The following CSMD1 variants were observed in gnomAD, a reference collection of about 807,000 sequenced individuals.
CSMD1 encodes CUB and Sushi multiple domains 1.
CSMD1 carries 213 observed loss-of-function variants against 417.5 expected under a neutral mutation model. The ratio of observed to expected loss-of-function variants is 0.51; its 90% CI spans 0.46 to 0.57. The LOEUF (loss-of-function observed/expected upper bound fraction) is 0.57. CSMD1 is among the 20% of genes least tolerant of loss of function. The pLI, the probability that CSMD1 is intolerant of heterozygous loss-of-function variation, is 0.00. For missense variants in CSMD1, 6,923 were observed against 4,529.7 expected, an observed-to-expected ratio of 1.53 and a Z score of -15.17; for synonymous variants, 2,862 against 1,736.8, an observed-to-expected ratio of 1.65 and a Z score of -16.11.
intron 11 of CSMD1, among the ~76,000 whole-genome samples, chr8:3,474,644 T>C (rs1199945207): frequency 1.3e-5 from 2 of 152,238 alleles, no homozygotes; most frequent in Non-Finnish European, 2.9e-5. Flanking sequence ...CTCTTGTTTA[T>C]ATCAATTAGC....
At chr8:4,462,781 A>C (rs1291215244) in intron 2 of CSMD1, among the ~76,000 whole-genome samples, 2 of 150,150 alleles carry the variant, frequency 1.3e-5, no homozygotes, top group Non-Finnish European at 2.9e-5. Context: ...GAGTATCCAC[A>C]AGAGGGTACC....
intron 3 of CSMD1, among the ~76,000 whole-genome samples, chr8:4,330,354 G>A (rs1345317640): frequency 1.3e-5 from 2 of 151,734 alleles, no homozygotes; most frequent in African/African-American, 4.8e-5. Flanking sequence ...CAGTGCTTTA[G>A]GAGGACTAGT....
chr8:4,795,979 T>C (rs867844862), intron 1 of CSMD1, among the ~76,000 whole-genome samples: 21 of 152,308 alleles, frequency 1.4e-4, no homozygotes, highest in African/African-American at 4.1e-4. Context: ...TTTAAGCCTC[T>C]CTGATATGTC....
chr8:3,179,206 A>C (rs1821149584), intron 37 of CSMD1, among the ~76,000 whole-genome samples: 1 of 151,928 alleles, frequency 6.6e-6, no homozygotes, highest in East Asian at 1.9e-4. Flanking sequence ...TGGCCTCCCA[A>C]AGTGCTGGGA....
At position 4,107,611 on chromosome 8, in the gene CSMD1, G is replaced by A. The variant is rs116754346; in HGVS notation, c.416-75512C>T. Among the ~76,000 whole-genome samples, 592 of 152,258 alleles carry A rather than the reference G, an allele frequency of 3.9e-3. 2 individuals are homozygous for A. Among genetic ancestry groups the A allele is most frequent in the African/African-American group, 0.014 (572 of 41,548 alleles). On this transcript the variant is annotated intron_variant, in intron 3 of 69. Transcript: ENST00000635120. ...GCTTTGTGAATAGCTGGGAGTATGA[G>A]CGACTCAAACTGCATGTACAATGAG...
At chr8:4,707,957 T>C (rs982990357) in intron 1 of CSMD1, among the ~76,000 whole-genome samples, 5 of 148,966 alleles carry the variant, frequency 3.4e-5, no homozygotes, top group Non-Finnish European at 4.5e-5. Flanking sequence ...CGTGTGATTA[T>C]TGTTTTTAAG....
At chr8:4,428,931 CT>C (rs1797714540) in intron 2 of CSMD1, among the ~76,000 whole-genome samples, 2 of 151,990 alleles carry the variant, frequency 1.3e-5, no homozygotes, top group Admixed American at 1.3e-4. Context: ...CCAGGCTGGT[CT>C]CAGATTCCTG....
At position 3,538,539 on chromosome 8, in the gene CSMD1, C is replaced by T. The variant is rs147777837; in HGVS notation, c.1344+36406G>A. 8.9e-4 allele frequency among the ~76,000 whole-genome samples: 136 copies of T among 152,334 alleles called. 1 individual carries two copies. The highest frequency in any genetic ancestry group is 3.2e-3 in the African/African-American group (132 of 41,576). ...TGCCCCACCTGCGATGCCTCGCCTGCGATGCCGCACTTGAGCTGGCTAACC... is the reference window on the plus strand; with the variant it reads ...TGCCCCACCTGCGATGCCTCGCCTGTGATGCCGCACTTGAGCTGGCTAACC... On this transcript the variant is annotated intron_variant, in intron 10 of 69. Transcript: ENST00000635120.
intron 5 of CSMD1, among the ~76,000 whole-genome samples, chr8:3,909,087 C>A (rs959272049): frequency 6.6e-6 from 1 of 152,162 alleles, no homozygotes. Flanking sequence ...TTCTAGTGAA[C>A]AAGTCCACTG....
intron 3 of CSMD1, among the ~76,000 whole-genome samples, chr8:4,063,783 G>C (rs1000754212): frequency 1.3e-5 from 2 of 152,096 alleles, no homozygotes; most frequent in East Asian, 1.9e-4. Flanking sequence ...TCTTCATTCA[G>C]TTCCACTTAA....
At chr8:4,169,337 T>G (rs1658243576) in intron 3 of CSMD1, among the ~76,000 whole-genome samples, 1 of 152,182 alleles carries the variant, frequency 6.6e-6, no homozygotes, top group Non-Finnish European at 1.5e-5. Flanking sequence ...ATGTGCCTTC[T>G]TCCATCTAGA....
chr8:4,541,747 A>C (rs1310034296), intron 2 of CSMD1, among the ~76,000 whole-genome samples: 1 of 152,220 alleles, frequency 6.6e-6, no homozygotes, highest in African/African-American at 2.4e-5. Context: ...TAAATAAATA[A>C]ATAAGATAAA....
intron 26 of CSMD1, among the ~76,000 whole-genome samples, chr8:3,274,637 G>C (rs963292482): frequency 6.6e-6 from 1 of 152,114 alleles, no homozygotes; most frequent in Non-Finnish European, 1.5e-5. Flanking sequence ...ATATATTTAG[G>C]ATAGTTAGCC....
At chr8:4,445,859 G>A (rs535369879) in intron 2 of CSMD1, among the ~76,000 whole-genome samples, 1 of 152,222 alleles carries the variant, frequency 6.6e-6, no homozygotes, top group African/African-American at 2.4e-5. Context: ...ATGCAGAAGT[G>A]TTCTCCCGCT....
At chr8:3,345,745 T>C (rs1429586582) in intron 22 of CSMD1, among the ~76,000 whole-genome samples, 2 of 152,210 alleles carry the variant, frequency 1.3e-5, no homozygotes, top group Non-Finnish European at 1.5e-5. Context: ...CAAGGGATGT[T>C]GCTGGGTTAG....
At chr8:4,123,381 T>C (rs2130950730) in intron 3 of CSMD1, among the ~76,000 whole-genome samples, 1 of 152,360 alleles carries the variant, frequency 6.6e-6, no homozygotes, top group East Asian at 1.9e-4. Context: ...CCTTTATTAA[T>C]TCTTATCTGG....
chr8:3,016,759 C>G (rs894016361), intron 52 of CSMD1, among the ~76,000 whole-genome samples: 2 of 152,014 alleles, frequency 1.3e-5, no homozygotes, highest in Non-Finnish European at 2.9e-5. Flanking sequence ...TTTCTTCTTC[C>G]TTATTTTCCT....
At chr8:3,389,045 G>A (rs1484314164) in intron 17 of CSMD1, among the ~76,000 whole-genome samples, 3 of 152,146 alleles carry the variant, frequency 2.0e-5, no homozygotes, top group Non-Finnish European at 2.9e-5. Context: ...CTGGGTGAAT[G>A]ATTTTTGTTG....
At chr8:3,568,702 GGTGT>G (rs970852310) in intron 10 of CSMD1, among the ~76,000 whole-genome samples, 2 of 151,882 alleles carry the variant, frequency 1.3e-5, no homozygotes, top group East Asian at 1.9e-4. Flanking sequence ...TGTATATATA[GGTGT>G]GTGTGTTTAT....
Sources: gnomAD v4.1 joint callset for allele counts (sites outside exome capture counted in the v4.1 genomes callset) on GRCh38, gnomAD v4.1.1 for gene constraint, MANE v1.5 for transcripts, NCBI Gene and HGNC (gene_info 2026-07-23, HGNC 2026-07-21) for gene names.